Variants in ANKRD36B observed in about 807,000 individuals in gnomAD.
ANKRD36B encodes the protein ankyrin repeat domain-containing protein 36B.
Under a neutral mutation model 135.7 loss-of-function variants are expected in ANKRD36B, and 37 were observed. The ratio of observed to expected loss-of-function variants is 0.27; its 90% CI spans 0.21 to 0.36. ANKRD36B has a LOEUF of 0.36. ANKRD36B is among the 10% of genes least tolerant of loss of function. The pLI, the probability that ANKRD36B is intolerant of heterozygous loss-of-function variation, is 1.00. For synonymous variants in ANKRD36B, 179 were observed against 348.1 expected (o/e 0.51, Z 5.41); for missense variants, 549 against 1,037.1 (o/e 0.53, Z 6.46).
intron 6 of ANKRD36B, among the ~76,000 whole-genome samples, chr2:97,565,816 C>G (rs1192171378): frequency 6.6e-6 from 1 of 151,394 alleles, no homozygotes; most frequent in South Asian, 2.1e-4. Flanking sequence ...GATCTAGAAC[C>G]GGAAATACCA....
intron 28 of ANKRD36B, among the ~76,000 whole-genome samples, chr2:97,541,269 T>C (rs2079138512): frequency 2.1e-5 from 2 of 96,950 alleles, no homozygotes; most frequent in Admixed American, 9.2e-5. Context: ...TGAGTCAGTG[T>C]GCTTTATCCC....
At chr2:97,577,036 G>A (rs1256358885) in intron 5 of ANKRD36B, among the ~76,000 whole-genome samples, 1 of 151,914 alleles carries the variant, frequency 6.6e-6, no homozygotes, top group East Asian at 1.9e-4. Context: ...TTATAATTCA[G>A]TGTATCTCAA....
At chr2:97,588,630 A>C (rs2083191514) in intron 1 of ANKRD36B, among the ~76,000 whole-genome samples, 1 of 150,248 alleles carries the variant, frequency 6.7e-6, no homozygotes, top group Non-Finnish European at 1.5e-5. Context: ...TGGATTATGT[A>C]AAATTTATAA....
At position 97,572,426 on chromosome 2, in the gene ANKRD36B, G is replaced by A. The variant is rs184051579; in HGVS notation, c.763+3953C>T. On this transcript the variant is annotated intron_variant, in intron 6 of 43. Transcript: ENST00000359901. ...AAGTGTTTTACATTAAAACTATGTC[G>A]TTTGAAAATTTAGAATTTAAAATTT... is the stretch of plus-strand genomic sequence containing the variant. 7.1e-4 allele frequency among the ~76,000 whole-genome samples: 73 copies of A among 103,160 alleles called. 4 individuals carry two copies. The highest frequency in any genetic ancestry group is 2.1e-3 in the African/African-American group (70 of 33,728). 67.7% of individuals were successfully genotyped at this position (103,160 alleles called of 152,430 possible). A position where few individuals can be genotyped will look rare whatever the true frequency, so the allele number is the denominator to read the frequency against.
At chr2:97,551,186 G>A in intron 18 of ANKRD36B, 103 bp downstream of exon 18, 1 of 1,436,378 alleles carries the variant, frequency 7.0e-7, no homozygotes. Context: ...CAGGCCTGCT[G>A]AGTCAGAATG....
In ANKRD36B at chr2:97,536,115, AT is replaced by A. The variant is rs530993682; in HGVS notation, c.2191+184del. 1.8e-3 allele frequency among the ~76,000 whole-genome samples: 174 copies of A among 96,736 alleles called. 48 individuals are homozygous for A. The highest frequency in any genetic ancestry group is 5.1e-3 in the African/African-American group (164 of 32,474). 63.5% of individuals were successfully genotyped at this position (96,736 alleles called of 152,430 possible). A position where few individuals can be genotyped will look rare whatever the true frequency, so the allele number is the denominator to read the frequency against. On this transcript the variant is annotated intron_variant, in intron 34 of 43. Coordinates refer to ENST00000359901, the MANE Select transcript of ANKRD36B (RefSeq NM_001393939.1). ...AAAAAACCTTATGTTTTAAAAATGTATTTTCCTTATGCATGTAAATCTCATT... is the reference window on the plus strand; with the variant it reads ...AAAAAACCTTATGTTTTAAAAATGTATTTCCTTATGCATGTAAATCTCATT...
chr2:97,573,047 A>G (rs890523781), intron 6 of ANKRD36B, among the ~76,000 whole-genome samples: 85 of 151,754 alleles, frequency 5.6e-4, no homozygotes, highest in Non-Finnish European at 1.1e-3. Flanking sequence ...AGATCTCCTA[A>G]TGCTATCCCT....
In ANKRD36B at chr2:97,540,871, T is replaced by A. The variant is rs1410961845; in HGVS notation, c.1886-642A>T. On this transcript the variant is annotated intron_variant, in intron 28 of 43. Transcript: ENST00000359901. ...ATCCACTCGTTTAGCTTTCCAAAAG[T>A]TTCTTCATCCATTCATGGCACCAAA... 2.1e-5 allele frequency among the ~76,000 whole-genome samples: 2 copies of A among 96,506 alleles called. 1 individual carries two copies. The highest frequency in any genetic ancestry group is 6.2e-5 in the African/African-American group (2 of 32,242). 63.3% of individuals were successfully genotyped at this position (96,506 alleles called of 152,430 possible). A position where few individuals can be genotyped will look rare whatever the true frequency, so the allele number is the denominator to read the frequency against.
intron 6 of ANKRD36B, among the ~76,000 whole-genome samples, chr2:97,571,864 G>A (rs2081901881): frequency 6.6e-6 from 1 of 152,052 alleles, no homozygotes; most frequent in South Asian, 2.1e-4. Context: ...TCATAGAACA[G>A]GTCAAAAAGT....
chr2:97,586,528 G>A (rs1175075174), intron 1 of ANKRD36B, among the ~76,000 whole-genome samples: 1 of 152,296 alleles, frequency 6.6e-6, no homozygotes, highest in East Asian at 1.9e-4. Flanking sequence ...AGTCCTGAGA[G>A]ATGGTGGAAT....
chr2:97,560,623 A>T, intron 8 of ANKRD36B, 42 bp downstream of exon 8: 1 of 1,596,840 alleles, frequency 6.3e-7, no homozygotes. Flanking sequence ...TTTCTCTTCT[A>T]TCTTGATTGA....
chr2:97,589,730 G>A lies in ANKRD36B; in HGVS notation c.-45C>T, dbSNP rs181403494. 20 of 1,612,664 alleles carry A rather than the reference G, an allele frequency of 1.2e-5. No homozygotes were observed. The highest frequency in any genetic ancestry group is 1.7e-5 in the Non-Finnish European group (20 of 1,179,742). The stretch of plus-strand genomic sequence containing the variant: ...CGCTCGTCGTCTTCCTTAATCGTCG[G>A]CTGCAAATTGTAGCCTGCAGCCGTA... On this transcript the variant is annotated 5_prime_UTR_variant, in exon 1 of 44. Transcript: ENST00000359901.
chr2:97,547,579 C>T lies in ANKRD36B; in HGVS notation c.1536G>A (p.Leu512=). The part of the protein sequence containing the change: ...KATRDEKDSL[L]NIARGKKDGE... ...CATCTTTTTTTCCTCTGGCTATATT[C>T]AAAAGAGAATCTTTCTCGTCTCTTG... is the stretch of plus-strand genomic sequence containing the variant. Residue 512 remains leucine, a synonymous_variant, in exon 22 of 44, where the codon TTG becomes TTA. Transcript: ENST00000359901. 2 of 1,565,308 alleles carry T rather than the reference C, an allele frequency of 1.3e-6. No individual in the cohort carries two copies. The highest frequency in any genetic ancestry group is 1.7e-6 in the Non-Finnish European group (2 of 1,146,862).
At chr2:97,526,421 G>A (rs1320785566) in intron 35 of ANKRD36B, among the ~76,000 whole-genome samples, 2 of 96,564 alleles carry the variant, frequency 2.1e-5, no homozygotes, top group Admixed American at 1.8e-4. Context: ...CATCATCAAA[G>A]ACCACAAGTA....
rs2077632805 is a variant in ANKRD36B at position 97,513,296 on chromosome 2, T to G, written c.2689A>C (p.Lys897Gln). ...TATTGCTCTTCTGTTATTCTTAACT[T>G]TTCCCTAACTTTTTGGTGCAACTCT... is the stretch of plus-strand genomic sequence containing the variant. ...VEELHQKVRE[K>Q]LRITEEQYRI... The change falls in exon 38 of 44, where the codon AAG becomes CAG. Residue 897 changes from lysine (K) to glutamine (Q), a missense_variant. By Grantham distance (53) the Lys-to-Gln change is moderately conservative. Transcript: ENST00000359901. The G allele has an allele frequency of 3.8e-6, 6 of 1,568,282 alleles. No individual in the cohort carries two copies. The East Asian group carries it at 1.4e-4, about 36-fold the overall frequency.
At chr2:97,496,823 A>G (rs1172150767) in intron 43 of ANKRD36B, among the ~76,000 whole-genome samples, 802 of 62,674 alleles carry the variant, frequency 0.013, 46 homozygotes, top group Admixed American at 0.078. Flanking sequence ...GTGTATGTAT[A>G]TATGTGTGTG....
chr2:97,526,667 A>C lies in ANKRD36B; in HGVS notation c.2266-3200T>G, dbSNP rs1256769054. 2.1e-5 allele frequency among the ~76,000 whole-genome samples: 2 copies of C among 96,950 alleles called. 1 individual carries two copies. The highest frequency in any genetic ancestry group is 5.5e-5 in the Non-Finnish European group (2 of 36,474). 63.6% of individuals were successfully genotyped at this position (96,950 alleles called of 152,430 possible). ...GTTAAAAACTTTGAAAAAAATTTAG[A>C]TGAATGTATACCTAGAATAACCAAT... On this transcript the variant is annotated intron_variant, in intron 35 of 43. Transcript: ENST00000359901.
At chr2:97,577,901 G>A (rs1233249663) in intron 5 of ANKRD36B, among the ~76,000 whole-genome samples, 4 of 151,808 alleles carry the variant, frequency 2.6e-5, no homozygotes, top group African/African-American at 4.8e-5. Context: ...AAGCTCTTAC[G>A]CTGTTTATAT....
intron 6 of ANKRD36B, among the ~76,000 whole-genome samples, chr2:97,567,225 T>C (rs1051332770): frequency 2.0e-5 from 3 of 150,788 alleles, no homozygotes; most frequent in African/African-American, 7.3e-5. Context: ...GGAACATCCA[T>C]GTATTCTCCA....
Sources: gnomAD v4.1 joint callset for allele counts (sites outside exome capture counted in the v4.1 genomes callset) on GRCh38, gnomAD v4.1.1 for gene constraint, MANE v1.5 for transcripts, NCBI Gene and HGNC (gene_info 2026-07-23, HGNC 2026-07-21) for gene names.